TSGA10: variants seen among roughly 807,000 people sequenced by gnomAD.
TSGA10 encodes testis specific 10.
In TSGA10, 43 loss-of-function variants were observed where a neutral mutation model predicts 96.6. The ratio of observed to expected loss-of-function variants is 0.44; its 90% CI spans 0.35 to 0.57. The LOEUF (loss-of-function observed/expected upper bound fraction) is 0.57. Ranked by LOEUF, TSGA10 falls within the 20% of genes least tolerant of loss-of-function variation. TSGA10 has a pLI of 0.01. For missense variants in TSGA10, 703 were observed against 834.4 expected, an observed-to-expected ratio of 0.84 and a Z score of 1.94; for synonymous variants, 229 against 269.9, an observed-to-expected ratio of 0.85 and a Z score of 1.48.
At chr2:99,091,642 C>G (rs2089355699) in intron 10 of TSGA10, among the ~76,000 whole-genome samples, 1 of 152,022 alleles carries the variant, frequency 6.6e-6, no homozygotes, top group African/African-American at 2.4e-5. Context: ...CAAAAGCAAG[C>G]AAGAGTAGCT....
intron 12 of TSGA10, among the ~76,000 whole-genome samples, chr2:99,073,905 T>C (rs566189802): frequency 1.6e-4 from 24 of 152,074 alleles, no homozygotes; most frequent in African/African-American, 5.1e-4. Flanking sequence ...GATTTCACCT[T>C]GCCATTTGAA....
intron 16 of TSGA10, among the ~76,000 whole-genome samples, chr2:99,036,690 A>C (rs1281221974): frequency 6.6e-6 from 1 of 152,104 alleles, no homozygotes; most frequent in African/African-American, 2.4e-5. Flanking sequence ...TTTAACTGTG[A>C]CTAATCTATA....
intron 18 of TSGA10, among the ~76,000 whole-genome samples, chr2:99,019,582 T>A (rs2079832021): frequency 6.6e-6 from 1 of 152,184 alleles, no homozygotes; most frequent in Admixed American, 6.5e-5. Flanking sequence ...ATGCTTCTTA[T>A]CCTTCCCCAT....
rs193123360 is a variant in TSGA10 at position 99,037,698 on chromosome 2, A to T, written c.1405-2259T>A. On this transcript the variant is annotated intron_variant, in intron 16 of 20. Coordinates refer to ENST00000393483, the MANE Select transcript of TSGA10 (RefSeq NM_025244.4). ...ACCCTGTCTCTACTAAAAATACAAA[A>T]AATTAGCTGGGTGTGGTGGTGGGTG... Among the ~76,000 whole-genome samples, 21 of 152,168 alleles carry T rather than the reference A, an allele frequency of 1.4e-4. No homozygotes were observed. The East Asian group carries it at 3.7e-3, about 27-fold the overall frequency.
chr2:99,128,067 T>C lies in TSGA10; in HGVS notation c.-620-891A>G, dbSNP rs915371892. The stretch of plus-strand genomic sequence containing the variant: ...TTTCCTTGAATCAAGGCTACCATTG[T>C]GTTAAAAAAGAATTTGTTATGAGCA... On this transcript the variant is annotated intron_variant, in intron 1 of 20. Coordinates refer to ENST00000393483, the MANE Select transcript of TSGA10 (RefSeq NM_025244.4). 3.9e-5 allele frequency among the ~76,000 whole-genome samples: 6 copies of C among 152,198 alleles called. No individual in the cohort carries two copies. The East Asian group carries it at 5.8e-4, about 15-fold the overall frequency.
intron 7 of TSGA10, among the ~76,000 whole-genome samples, chr2:99,106,771 C>T (rs2091392217): frequency 6.6e-6 from 1 of 152,120 alleles, no homozygotes; most frequent in Admixed American, 6.6e-5. Flanking sequence ...TTCCTTCCTC[C>T]CTTTTAACAT....
Position 99,071,851 on chromosome 2 carries a change from A to G in TSGA10, c.962T>C (p.Val321Ala), listed in dbSNP as rs756349063. 16 of 1,614,004 alleles carry G rather than the reference A, an allele frequency of 9.9e-6. 1 individual carries two copies. In the Middle Eastern group the frequency reaches 5.0e-4, roughly 50 times the overall value. The stretch of plus-strand genomic sequence containing the variant: ...CATTCTGGAAACGTCTTGTTCACAC[A>G]CAATTAGGGCCTCAGTACACTGTCT... Reference protein sequence around the residue: ...ASRQCTEALIVCEQDVSRMRR... With the variant: ...ASRQCTEALIACEQDVSRMRR... Residue 321 changes from valine to alanine, a missense_variant, in exon 14 of 21, where the codon GTG (valine) becomes GCG (alanine). Around this residue, in one of 3 missense-constraint regions of TSGA10, gnomAD observed 585 missense variants for 656.8 expected, o/e 0.89. Coordinates refer to ENST00000393483, the MANE Select transcript of TSGA10 (RefSeq NM_025244.4).
Position 99,078,688 on chromosome 2 carries a change from C to A in TSGA10, c.853G>T (p.Ala285Ser). ...ACLDKKSENI[A>S]SLGESLAMKE... ...ATTGCCAAACTCTCTCCAAGGGATG[C>A]AATATTCTCAGATTTTTTATCCAAA... Residue 285 changes from alanine (A) to serine (S), a missense_variant, in exon 12 of 21, where the codon GCA becomes TCA. Ala to Ser is a moderately conservative substitution (Grantham distance 99). Coordinates refer to ENST00000393483, the MANE Select transcript of TSGA10 (RefSeq NM_025244.4). 1.9e-6 allele frequency: 3 copies of A among 1,613,562 alleles called. No individual in the cohort carries two copies. The highest frequency in any genetic ancestry group is 2.5e-6 in the Non-Finnish European group (3 of 1,179,838).
chr2:99,096,081 AAATTTT>A (rs2090001272), intron 10 of TSGA10, among the ~76,000 whole-genome samples: 1 of 152,250 alleles, frequency 6.6e-6, no homozygotes, highest in Non-Finnish European at 1.5e-5. Flanking sequence ...CATAATTTTT[AAATTTT>A]AAGTCAAAAT....
At chr2:99,143,042 G>T (rs1014239189) in intron 1 of TSGA10, among the ~76,000 whole-genome samples, 9 of 150,552 alleles carry the variant, frequency 6.0e-5, no homozygotes, top group African/African-American at 2.2e-4. Flanking sequence ...AAGAACTGTT[G>T]ACTTTCTCCC....
intron 2 of TSGA10, chr2:99,126,621 C>G (rs1559098380): frequency 6.5e-6 from 1 of 155,014 alleles, no homozygotes; most frequent in East Asian, 1.9e-4. Flanking sequence ...ACATGTCAAG[C>G]ATCAGGAGAA....
intron 20 of TSGA10, 58 bp from the exon 21 acceptor site, chr2:98,998,279 T>G: frequency 7.0e-7 from 1 of 1,433,068 alleles, no homozygotes; most frequent in Non-Finnish European, 9.6e-7. Context: ...TCAACATGTG[T>G]AACAAATTTA....
intron 10 of TSGA10, among the ~76,000 whole-genome samples, chr2:99,088,867 T>C (rs758586996): frequency 6.6e-5 from 10 of 152,122 alleles, no homozygotes; most frequent in Non-Finnish European, 1.5e-4. Flanking sequence ...TAAAAAAGGA[T>C]TGTGGTGGGG....
intron 20 of TSGA10, among the ~76,000 whole-genome samples, chr2:99,009,057 A>G (rs1019477982): frequency 6.6e-6 from 1 of 152,172 alleles, no homozygotes; most frequent in Admixed American, 6.5e-5. Flanking sequence ...TTCTCTTAGT[A>G]TTATTTTTTG....
chr2:99,139,279 T>C (rs771812350), intron 1 of TSGA10, among the ~76,000 whole-genome samples: 1 of 151,938 alleles, frequency 6.6e-6, no homozygotes, highest in Non-Finnish European at 1.5e-5. Context: ...AAGGTAAGTG[T>C]CATGGAAATC....
intron 20 of TSGA10, among the ~76,000 whole-genome samples, chr2:99,013,323 CAAT>C (rs377646455): frequency 2.1e-3 from 319 of 150,212 alleles, no homozygotes; most frequent in South Asian, 5.1e-3. Context: ...ATGATGATGA[CAAT>C]AATAATAATA....
intron 20 of TSGA10, among the ~76,000 whole-genome samples, chr2:99,002,349 G>T (rs1476915522): frequency 6.6e-6 from 1 of 152,202 alleles, no homozygotes; most frequent in Non-Finnish European, 1.5e-5. Flanking sequence ...TTAAAGAAAA[G>T]AATTTTCAAC....
At chr2:99,043,785 A>G (rs2104258010) in intron 16 of TSGA10, among the ~76,000 whole-genome samples, 1 of 152,314 alleles carries the variant, frequency 6.6e-6, no homozygotes, top group Admixed American at 6.5e-5. Context: ...TTGTCAACCA[A>G]GAAGCCTACA....
intron 1 of TSGA10, 139 bp from the exon 2 acceptor site, chr2:99,127,315 C>T: frequency 1.5e-6 from 1 of 665,468 alleles, no homozygotes; most frequent in Non-Finnish European, 2.0e-6. Context: ...AGGATTTCAT[C>T]AAACTTTACC....
Sources: allele counts gnomAD v4.1 joint callset (sites outside exome capture counted in the v4.1 genomes callset), GRCh38; gene constraint gnomAD v4.1.1; regional missense constraint gnomAD v4.1.1; transcripts MANE v1.5; gene names NCBI Gene and HGNC (gene_info 2026-07-23, HGNC 2026-07-21).